Variants in FAM228B observed in about 807,000 individuals in gnomAD.
FAM228B encodes the protein family with sequence similarity 228 member B.
In FAM228B, 38 loss-of-function variants were observed where a neutral mutation model predicts 42.6. The observed-to-expected ratio is 0.89, with a 90% CI of 0.69 to 1.17. The LOEUF is 1.17. Among genes scored for constraint, FAM228B ranks in the 50% most tolerant of loss-of-function variants. The pLI, the probability that FAM228B is intolerant of heterozygous loss-of-function variation, is 0.00. For synonymous variants in FAM228B, 109 were observed against 122.3 expected (o/e 0.89, Z 0.72); for missense variants, 344 against 367.3 (o/e 0.94, Z 0.52).
intron 3 of FAM228B, among the ~76,000 whole-genome samples, chr2:24,098,971 G>C (rs1665555628): frequency 6.6e-6 from 1 of 152,196 alleles, no homozygotes; most frequent in Non-Finnish European, 1.5e-5. Context: ...TGCAAGGCTG[G>C]TTCAACATAC....
chr2:24,121,162 C>T (rs774415070), upstream of FAM228B: 31 of 1,614,016 alleles, frequency 1.9e-5, no homozygotes, highest in Non-Finnish European at 2.5e-5. Flanking sequence ...TGAGCACTCA[C>T]ATTTTTGGCA....
chr2:24,117,093 G>A (rs939605571), intron 3 of FAM228B, among the ~76,000 whole-genome samples: 6 of 142,308 alleles, frequency 4.2e-5, no homozygotes, highest in East Asian at 2.1e-4. Context: ...TCGGCTCACC[G>A]CAACCTCTGC....
intron 2 of FAM228B, among the ~76,000 whole-genome samples, chr2:24,086,970 A>G (rs927215988): frequency 2.0e-5 from 3 of 152,224 alleles, no homozygotes; most frequent in African/African-American, 7.2e-5. Context: ...GGAATGGATT[A>G]AGATAGATGA....
At chr2:24,122,960 T>C (rs1666168573), upstream of FAM228B, 1 of 154,338 alleles carries the variant, frequency 6.5e-6, no homozygotes, top group African/African-American at 2.4e-5. Flanking sequence ...AAAGAGATTA[T>C]GCGTGGCCAT....
intron 3 of FAM228B, among the ~76,000 whole-genome samples, chr2:24,103,708 G>A (rs1386109863): frequency 1.3e-5 from 2 of 152,224 alleles, no homozygotes; most frequent in African/African-American, 4.8e-5. Context: ...GCTGCCAAGA[G>A]GCTTCACCAG....
upstream of FAM228B, among the ~76,000 whole-genome samples, chr2:24,121,534 T>C (rs1323285555): frequency 1.3e-5 from 2 of 152,230 alleles, no homozygotes. Context: ...TCACATTCAT[T>C]CTTTTATGTA....
intron 1 of FAM228B, among the ~76,000 whole-genome samples, chr2:24,123,786 C>G (rs1176292054): frequency 2.0e-5 from 3 of 151,910 alleles, no homozygotes; most frequent in Non-Finnish European, 2.9e-5. Flanking sequence ...GGCGCCCGGC[C>G]TAGTGGGTGG....
rs141056208 is a variant in FAM228B, at chr2:24,127,706, G to A, written c.99+3246G>A. 4.6e-5 allele frequency among the ~76,000 whole-genome samples: 7 copies of A among 151,014 alleles called. No homozygotes were observed. The East Asian group carries it at 7.8e-4, about 17-fold the overall frequency. ...TCAGCTGAGTCTCACTCTATCACCC[G>A]GGTTGCAGTGCAGTGGCATGATCTC... On this transcript the variant is annotated intron_variant, in intron 2 of 10. Transcript: ENST00000615575.
intron 8 of FAM228B, among the ~76,000 whole-genome samples, chr2:24,163,046 TG>T (rs771241910): frequency 5.9e-5 from 9 of 152,154 alleles, no homozygotes; most frequent in Non-Finnish European, 1.3e-4. Context: ...ACACTTAAAA[TG>T]GGTGAATTTT....
At chr2:24,089,348 C>G (rs941791749) in intron 2 of FAM228B, among the ~76,000 whole-genome samples, 1 of 151,930 alleles carries the variant, frequency 6.6e-6, no homozygotes, top group Non-Finnish European at 1.5e-5. Context: ...GATACAACCA[C>G]AGATATAGGA....
At chr2:24,131,347 T>G (rs918161748) in intron 2 of FAM228B, among the ~76,000 whole-genome samples, 3 of 152,250 alleles carry the variant, frequency 2.0e-5, no homozygotes, top group African/African-American at 7.2e-5. Flanking sequence ...TGAAGTAGTT[T>G]TCTCTAATTC....
At chr2:24,105,402 C>A (rs1665682707) in intron 3 of FAM228B, among the ~76,000 whole-genome samples, 1 of 151,962 alleles carries the variant, frequency 6.6e-6, no homozygotes, top group South Asian at 2.1e-4. Context: ...TTTGGTTTGC[C>A]CTGTAGTCAA....
In FAM228B at chr2:24,136,774, A is replaced by G. The variant is rs144348088; in HGVS notation, c.169-1135A>G. ...GTATGCGATATAAAAGTAAATATACACAATATAAAATTTGCCATTTTAACC... is the reference window on the plus strand; with the variant it reads ...GTATGCGATATAAAAGTAAATATACGCAATATAAAATTTGCCATTTTAACC... On this transcript the variant is annotated intron_variant, in intron 3 of 10. Coordinates refer to ENST00000615575, the MANE Select transcript of FAM228B (RefSeq NM_001145710.2). 6.6e-4 allele frequency among the ~76,000 whole-genome samples: 100 copies of G among 152,358 alleles called. 1 individual carries two copies. In the East Asian group the frequency reaches 0.019, roughly 28 times the overall value.
chr2:24,091,364 C>T lies in FAM228B; in HGVS notation c.-209-3777C>T, dbSNP rs540142722. Among the ~76,000 whole-genome samples, 5 of 151,888 alleles carry T rather than the reference C, an allele frequency of 3.3e-5. No homozygotes were observed. The East Asian group carries it at 7.8e-4, about 24-fold the overall frequency. On this transcript the variant is annotated intron_variant, in intron 2 of 10. Transcript: ENST00000613899. ...AGGAGAATGGCGTGAACCCGGGAGG[C>T]GGAGCTTGCAGTGAGCCGAGATCGC...
Position 24,093,916 on chromosome 2 carries a change from T to G in FAM228B, c.-209-1225T>G, listed in dbSNP as rs566446620. Among the ~76,000 whole-genome samples the G allele has an allele frequency of 4.6e-5, 7 of 152,154 alleles. No individual in the cohort carries two copies. In the South Asian group the frequency reaches 1.5e-3, roughly 32 times the overall value. On this transcript the variant is annotated intron_variant, in intron 2 of 10. Transcript: ENST00000613899. ...ACAGGTATGAGCCACCGCTCCTGGC[T>G]GCATGTGTCTTTGTAGTGGAATGAT... is the stretch of plus-strand genomic sequence containing the variant.
chr2:24,150,390 A>G (rs1375111793), intron 7 of FAM228B, among the ~76,000 whole-genome samples: 1 of 151,742 alleles, frequency 6.6e-6, no homozygotes, highest in African/African-American at 2.4e-5. Flanking sequence ...TCTAGGGTAA[A>G]AGTTTTTTTC....
intron 8 of FAM228B, 28 bp downstream of exon 8, chr2:24,161,641 C>T (rs1031625060): frequency 1.5e-6 from 2 of 1,330,782 alleles, no homozygotes; most frequent in Non-Finnish European, 2.1e-6. Flanking sequence ...TAGCTTTGCT[C>T]TTCTTTTGCT....
chr2:24,102,652 C>T (rs1268860951), intron 3 of FAM228B, among the ~76,000 whole-genome samples: 2 of 152,128 alleles, frequency 1.3e-5, no homozygotes, highest in South Asian at 2.1e-4. Flanking sequence ...GCAGGAGAAT[C>T]GCTTGAACCC....
chr2:24,143,329 C>T (rs534748923), intron 5 of FAM228B, among the ~76,000 whole-genome samples: 26,095 of 128,900 alleles, frequency 0.2, 2,470 homozygotes, highest in Middle Eastern at 0.31. Flanking sequence ...TACAGGCGCC[C>T]GCCACCACGC....
Sources: allele counts gnomAD v4.1 joint callset (sites outside exome capture counted in the v4.1 genomes callset), GRCh38; gene constraint gnomAD v4.1.1; transcripts MANE v1.5; gene names NCBI Gene and HGNC (gene_info 2026-07-23, HGNC 2026-07-21).